Variants in ACSBG1 observed in about 807,000 individuals in gnomAD.
ACSBG1 encodes the protein acyl-CoA synthetase bubblegum family member 1, also known as long-chain-fatty-acid--CoA ligase ACSBG1.
ACSBG1 carries 39 observed loss-of-function variants against 80.2 expected under a neutral mutation model. That is an observed-to-expected ratio of 0.49 (90% CI 0.38 to 0.64). The LOEUF is 0.64. Among genes scored for constraint, ACSBG1 ranks in the 30% least tolerant of loss-of-function variants. ACSBG1 has a pLI of 0.00. For synonymous variants in ACSBG1, 392 were observed against 379.5 expected, an observed-to-expected ratio of 1.03 and a Z score of -0.38; for missense variants, 828 against 966.4, an observed-to-expected ratio of 0.86 and a Z score of 1.90.
At chr15:78,196,409 G>A (rs1371089186) in intron 2 of ACSBG1, among the ~76,000 whole-genome samples, 2 of 152,216 alleles carry the variant, frequency 1.3e-5, no homozygotes, top group African/African-American at 4.8e-5. Context: ...GCCTCTGTGT[G>A]CTGTTTGACC....
At chr15:78,176,011 T>G (rs1451904556) in intron 11 of ACSBG1, among the ~76,000 whole-genome samples, 1 of 152,194 alleles carries the variant, frequency 6.6e-6, no homozygotes, top group Non-Finnish European at 1.5e-5. Flanking sequence ...AGGAACTTCT[T>G]TAATCAGATA....
chr15:78,232,687 CTTT>C (rs1270103449), intron 1 of ACSBG1, among the ~76,000 whole-genome samples: 3 of 144,344 alleles, frequency 2.1e-5, no homozygotes, highest in African/African-American at 2.5e-5. Context: ...TCTTTTTCTT[CTTT>C]TTTTTTTTTT....
Position 78,182,623 on chromosome 15 carries a change from C to A in ACSBG1, c.745-8G>T. The A allele has an allele frequency of 6.2e-7, 1 of 1,613,964 alleles. No homozygotes were observed. On this transcript the variant is annotated splice_region_variant and splice_polypyrimidine_tract_variant and intron_variant, in intron 6 of 13. Coordinates refer to ENST00000258873, the MANE Select transcript of ACSBG1 (RefSeq NM_015162.5). The stretch of plus-strand genomic sequence containing the variant: ...CTCCATGAATTCCTCCATCTGTAGC[C>A]AGATGCAGGGAGCAGGCAGGCTAGG...
intron 2 of ACSBG1, 71 bp downstream of exon 2, chr15:78,207,931 C>A: frequency 1.2e-6 from 1 of 806,184 alleles, no homozygotes; most frequent in South Asian, 1.4e-5. Flanking sequence ...CCACACCACC[C>A]ACCCCTCCAG....
intron 5 of ACSBG1, among the ~76,000 whole-genome samples, chr15:78,183,699 T>C (rs2074972243): frequency 6.6e-6 from 1 of 152,044 alleles, no homozygotes; most frequent in African/African-American, 2.4e-5. Flanking sequence ...CTCACATGAT[T>C]TTGACTTTGG....
At chr15:78,211,831 G>T (rs945639231) in intron 1 of ACSBG1, among the ~76,000 whole-genome samples, 7 of 152,108 alleles carry the variant, frequency 4.6e-5, no homozygotes, top group African/African-American at 1.7e-4. Context: ...AGCCCTCCTA[G>T]ATTTCCCCAA....
chr15:78,184,369 A>AG (rs1491240200), intron 5 of ACSBG1, among the ~76,000 whole-genome samples: 3 of 151,488 alleles, frequency 2.0e-5, no homozygotes, highest in South Asian at 2.1e-4. Flanking sequence ...TTGTAGAGAC[A>AG]GGGGGGTCTC....
chr15:78,234,473 C>T lies in ACSBG1; in HGVS notation c.29G>A (p.Gly10Asp). Residue 10 changes from glycine (G) to aspartate (D), a missense_variant, in exon 1 of 14, where the codon GGC becomes GAC. This residue lies in a region of ACSBG1 where 356 missense variants were observed against 363.5 expected (regional missense o/e 0.98). Transcript: ENST00000258873. Reference protein sequence around the residue: MPRNSGAGYGCPHGDPSMLD... With the variant: MPRNSGAGYDCPHGDPSMLD... ...CATGCTGGGGTCCCCGTGTGGGCAG[C>T]CGTATCCAGCTCCAGAATTGCGTGG... 3 of 1,612,346 alleles carry T rather than the reference C, an allele frequency of 1.9e-6. No homozygotes were observed. Among genetic ancestry groups the T allele is most frequent in the Non-Finnish European group, 2.5e-6 (3 of 1,180,020 alleles).
intron 5 of ACSBG1, among the ~76,000 whole-genome samples, chr15:78,185,853 T>C (rs1387467882): frequency 6.6e-6 from 1 of 151,852 alleles, no homozygotes; most frequent in Admixed American, 6.6e-5. Flanking sequence ...AAATGAAATA[T>C]TTAAAGTGCT....
intron 5 of ACSBG1, among the ~76,000 whole-genome samples, chr15:78,189,751 A>G (rs2075040679): frequency 6.6e-6 from 1 of 152,094 alleles, no homozygotes; most frequent in Admixed American, 6.5e-5. Context: ...GCAGCACACC[A>G]GCATGGCACA....
At chr15:78,234,245 C>T (rs2075474258) in intron 1 of ACSBG1, 126 bp downstream of exon 1, 1 of 1,363,932 alleles carries the variant, frequency 7.3e-7, no homozygotes, top group Non-Finnish European at 1.0e-6. Flanking sequence ...AGATCCTTCC[C>T]TTCATTTCCC....
chr15:78,194,818 C>T (rs2271901), intron 2 of ACSBG1, 92 bp from the exon 3 acceptor site: 48,847 of 1,343,188 alleles, frequency 0.036, 2,019 homozygotes, highest in East Asian at 0.19. Flanking sequence ...CTGGTGCTGA[C>T]AATGCCTTGG....
intron 2 of ACSBG1, among the ~76,000 whole-genome samples, chr15:78,202,251 A>G (rs919720471): frequency 6.6e-6 from 1 of 152,032 alleles, no homozygotes; most frequent in Non-Finnish European, 1.5e-5. Flanking sequence ...TTGCTCTGTC[A>G]CCAGGCTGGA....
chr15:78,220,959 C>T (rs1478775223), intron 1 of ACSBG1, among the ~76,000 whole-genome samples: 1 of 152,190 alleles, frequency 6.6e-6, no homozygotes, highest in Admixed American at 6.5e-5. Flanking sequence ...TTTGTATATA[C>T]CCAGGAAAAT....
chr15:78,181,877 G>C lies in ACSBG1; in HGVS notation c.1071+92C>G, dbSNP rs2074948847. On this transcript the variant is annotated intron_variant, in intron 8 of 13. Transcript: ENST00000258873. ...TCTGACTGATACATGCACAGGAACA[G>C]CACACACACAAATGCACTCAGGGCC... is the stretch of plus-strand genomic sequence containing the variant. 4 of 1,468,370 alleles carry C rather than the reference G, an allele frequency of 2.7e-6. No homozygotes were observed. The Admixed American group carries it at 7.6e-5, about 28-fold the overall frequency. 91.0% of individuals were successfully genotyped at this position (1,468,370 alleles called of 1,614,324 possible).
chr15:78,197,022 C>A (rs770613506), intron 2 of ACSBG1, among the ~76,000 whole-genome samples: 4 of 151,694 alleles, frequency 2.6e-5, no homozygotes, highest in Non-Finnish European at 5.9e-5. Flanking sequence ...CATGATTGCA[C>A]CACTGCACTC....
In ACSBG1 at chr15:78,192,905, C is replaced by A. The variant is rs550384593; in HGVS notation, c.663+601G>T. Among the ~76,000 whole-genome samples the A allele has an allele frequency of 3.9e-5, 6 of 152,244 alleles. No homozygotes were observed. The South Asian group carries it at 1.2e-3, about 32-fold the overall frequency. On this transcript the variant is annotated intron_variant, in intron 5 of 13. Coordinates refer to ENST00000258873, the MANE Select transcript of ACSBG1 (RefSeq NM_015162.5). ...GGGTTCAGCTGGGACAGAGAGGTGT[C>A]CCCAGGCCACCACACCCCAGTATGG...
At chr15:78,182,442 C>A (rs372867467) in intron 7 of ACSBG1, 24 bp downstream of exon 7, 3 of 1,609,286 alleles carry the variant, frequency 1.9e-6, no homozygotes, top group African/African-American at 1.3e-5. Flanking sequence ...GCACCCCCCC[C>A]ACCCCACCGG....
rs530619469 is a variant in ACSBG1 at position 78,172,625 on chromosome 15, A to G, written c.2089+968T>C. On this transcript the variant is annotated intron_variant, in intron 13 of 13. Coordinates refer to ENST00000258873, the MANE Select transcript of ACSBG1 (RefSeq NM_015162.5). This position sits in a 1 kb window ranked among gnomAD's most constrained non-coding sequence, Gnocchi z 4.1. Reference sequence around the variant, plus strand: ...TTCTGTCTCTCTGACCTTGCGTTCAATATGCTGGCAGCAGACAGCCAGATA... The same window carrying G: ...TTCTGTCTCTCTGACCTTGCGTTCAGTATGCTGGCAGCAGACAGCCAGATA... 6.6e-6 allele frequency among the ~76,000 whole-genome samples: 1 copy of G among 152,296 alleles called. No homozygotes were observed. Among genetic ancestry groups the G allele is most frequent in the African/African-American group, 2.4e-5 (1 of 41,552 alleles).
Sources: gnomAD v4.1 joint callset for allele counts (sites outside exome capture counted in the v4.1 genomes callset) on GRCh38, gnomAD v4.1.1 for gene constraint, gnomAD v4.1.1 regional missense constraint, Gnocchi (gnomAD v3.1) non-coding constraint, MANE v1.5 for transcripts, NCBI Gene and HGNC (gene_info 2026-07-23, HGNC 2026-07-21) for gene names.